The following NLRC5 variants were observed in gnomAD, a reference collection of about 807,000 sequenced individuals.
NLRC5 encodes NLR family CARD domain containing 5.
A neutral mutation model predicts 206.9 loss-of-function variants in NLRC5; 114 were observed. The observed-to-expected ratio is 0.55, with a 90% CI of 0.47 to 0.64. The LOEUF (loss-of-function observed/expected upper bound fraction) is 0.64. Among genes scored for constraint, NLRC5 ranks in the 30% least tolerant of loss-of-function variants. The pLI, the probability that NLRC5 is intolerant of heterozygous loss-of-function variation, is 0.00. For missense variants in NLRC5, 2,008 were observed against 2,305.5 expected, an observed-to-expected ratio of 0.87 and a Z score of 2.64; for synonymous variants, 952 against 962.8, an observed-to-expected ratio of 0.99 and a Z score of 0.21.
chr16:57,045,516 G>A (rs1359740724), intron 21 of NLRC5, 24 bp downstream of exon 21: 3 of 1,612,140 alleles, frequency 1.9e-6, no homozygotes, highest in African/African-American at 1.3e-5. Context: ...GCTCGGGGTG[G>A]GGGAGTCCCC....
intron 15 of NLRC5, 148 bp from the exon 16 acceptor site, chr16:57,039,633 C>T (rs1243371218): frequency 2.9e-6 from 2 of 699,658 alleles, no homozygotes; most frequent in Non-Finnish European, 5.0e-6. Context: ...GGGAGGATTG[C>T]TTGAGCCCAG....
rs1401577427 is a variant in NLRC5 at position 57,028,313 on chromosome 16, G to A, written c.2171G>A (p.Ser724Asn). ...TGCTTACTCTGTAGGTTAGCAGGAA[G>A]TAAAATCACTGCCCGAGGCATCAGC... The part of the protein sequence containing the change: ...GRLQMLGLAG[S>N]KITARGISHL... Residue 724 changes from serine (S) to asparagine (N), a missense_variant, in exon 8 of 49, where the codon AGT (serine) becomes AAT (asparagine). Ser to Asn is a conservative substitution (Grantham distance 46, BLOSUM62 1). Coordinates refer to ENST00000688547, the MANE Select transcript of NLRC5 (RefSeq NM_001384950.1). 3.7e-6 allele frequency: 6 copies of A among 1,614,054 alleles called. No homozygotes were observed. The highest frequency in any genetic ancestry group is 5.1e-6 in the Non-Finnish European group (6 of 1,179,926).
At position 57,026,279 on chromosome 16, in the gene NLRC5, C is replaced by T; in HGVS notation, c.1336C>T (p.Leu446Phe). Residue 446 changes from leucine to phenylalanine, a missense_variant, in exon 6 of 49, where the codon CTC (leucine) becomes TTC (phenylalanine). By Grantham distance (22) the Leu-to-Phe change is conservative. Transcript: ENST00000688547. ...TQLYMQMVLA[L>F]SPPGHLPTSS... is the part of the protein sequence containing the mutation. ...GCTCTATATGCAGATGGTGCTCGCC[C>T]TCAGCCCCCCTGGGCACTTGCCCAC... 6.2e-7 allele frequency: 1 copy of T among 1,614,060 alleles called. No individual in the cohort carries two copies. Among genetic ancestry groups the T allele is most frequent in the Non-Finnish European group, 8.5e-7 (1 of 1,180,046 alleles).
intron 46 of NLRC5, 83 bp downstream of exon 46, chr16:57,079,712 T>G: frequency 1.8e-6 from 2 of 1,136,042 alleles, no homozygotes; most frequent in Admixed American, 1.7e-5. Flanking sequence ...GCCTGCTGTG[T>G]GGCCTGGAGC....
chr16:57,064,770 A>G (rs1229044999), intron 32 of NLRC5, among the ~76,000 whole-genome samples: 2 of 152,152 alleles, frequency 1.3e-5, no homozygotes, highest in East Asian at 1.9e-4. Context: ...CTAAAAATAC[A>G]AAAATTAGCC....
chr16:57,020,013 T>C (rs1251082924), intron 2 of NLRC5, among the ~76,000 whole-genome samples: 3 of 151,776 alleles, frequency 2.0e-5, no homozygotes, highest in African/African-American at 7.3e-5. Context: ...AGGGAGGGGG[T>C]GCAGAAGAAA....
At position 57,067,950 on chromosome 16, in the gene NLRC5, C is replaced by G; in HGVS notation, c.4499+122C>G. On this transcript the variant is annotated intron_variant, in intron 36 of 48. Transcript: ENST00000688547. ...CTGTGTCTTACTCTGTGGACACAAA[C>G]CACAGGTGGCCCTGGAGATGATTTT... is the stretch of plus-strand genomic sequence containing the variant. 3 of 749,214 alleles carry G rather than the reference C, an allele frequency of 4.0e-6. No homozygotes were observed. The South Asian group carries it at 4.8e-5, about 12-fold the overall frequency. The allele number at this position is 749,214 out of a possible 1,614,324, so 46.4% of individuals were successfully genotyped here. A position where few individuals can be genotyped will look rare whatever the true frequency, so the allele number is the denominator to read the frequency against.
Position 57,079,604 on chromosome 16 carries a change from A to C in NLRC5, c.5296A>C (p.Ser1766Arg), listed in dbSNP as rs2068875536. The C allele has an allele frequency of 1.2e-6, 2 of 1,613,776 alleles. No homozygotes were observed. The highest frequency in any genetic ancestry group is 2.2e-5 in the South Asian group (2 of 91,062). The change falls in exon 46 of 49, where the codon AGC becomes CGC. Residue 1766 changes from serine (S) to arginine (R), a missense_variant. Transcript: ENST00000688547. ...TAKLLTSSFTSCPALEVILLS... is the reference protein window; with the variant it reads ...TAKLLTSSFTRCPALEVILLS... ...CAAGCTCCTCACCTCCAGCTTCACG[A>C]GCTGCCCTGCCCTGGAAGTAATCTT... is the stretch of plus-strand genomic sequence containing the variant.
At chr16:57,047,869 AC>A in intron 23 of NLRC5, 1 of 558,660 alleles carries the variant, frequency 1.8e-6, no homozygotes, top group Non-Finnish European at 3.2e-6. Context: ...CTTCACCTGC[AC>A]CATCCACTCA....
At chr16:57,076,423 A>G (rs2068407283) in intron 39 of NLRC5, among the ~76,000 whole-genome samples, 1 of 152,214 alleles carries the variant, frequency 6.6e-6, no homozygotes, top group African/African-American at 2.4e-5. Flanking sequence ...CTGAGAACTG[A>G]TCTGCGTGAA....
rs182933611 is a variant in NLRC5, at chr16:57,055,283, G to A, written c.3660-150G>A. 9.5e-4 allele frequency: 831 copies of A among 870,542 alleles called. 2 individuals are homozygous for A. In the African/African-American group the frequency reaches 0.012, roughly 13 times the overall value. The allele number at this position is 870,542 out of a possible 1,614,324, so 53.9% of individuals were successfully genotyped here. ...CGGGTGGGATCTACTGTGGGGGTGGGAGCAGTGGATTCTGGACACTTCCAG... is the reference window on the plus strand; with the variant it reads ...CGGGTGGGATCTACTGTGGGGGTGGAAGCAGTGGATTCTGGACACTTCCAG... On this transcript the variant is annotated intron_variant, in intron 26 of 48. Transcript: ENST00000688547.
In NLRC5 at chr16:57,022,262, C is replaced by T. The variant is rs779172988; in HGVS notation, c.302C>T (p.Thr101Ile). ...ACTCTCCCCTCTCTTGCAGGGTTCA[C>T]CAGCCAGCTGGGAGCTGAGGGGAAA... ...LSTFGYDDGF[T>I]SQLGAEGKSQ... The change falls in exon 4 of 49, where the codon ACC becomes ATC. Residue 101 changes from threonine (T) to isoleucine (I), a missense_variant. Physicochemically the swap from Thr to Ile is moderately conservative, Grantham distance 89. Coordinates refer to ENST00000688547, the MANE Select transcript of NLRC5 (RefSeq NM_001384950.1). 30 of 1,611,734 alleles carry T rather than the reference C, an allele frequency of 1.9e-5. No individual in the cohort carries two copies. Among genetic ancestry groups the T allele is most frequent in the Non-Finnish European group, 2.4e-5 (28 of 1,178,162 alleles).
intron 1 of NLRC5, among the ~76,000 whole-genome samples, chr16:57,008,014 GT>G (rs1309974752): frequency 2.0e-5 from 3 of 152,034 alleles, no homozygotes; most frequent in Non-Finnish European, 2.9e-5. Flanking sequence ...TCATCCAGTT[GT>G]TTTTTTCTTT....
chr16:57,054,968 G>T, intron 25 of NLRC5, 64 bp from the exon 26 acceptor site: 1 of 1,600,358 alleles, frequency 6.2e-7, no homozygotes, highest in East Asian at 2.2e-5. Context: ...GAGGGGTGCT[G>T]GCCCCGTGGG....
At chr16:57,027,588 G>C (rs1464323028) in intron 6 of NLRC5, among the ~76,000 whole-genome samples, 1 of 152,222 alleles carries the variant, frequency 6.6e-6, no homozygotes, top group Non-Finnish European at 1.5e-5. Flanking sequence ...AGGTGGTCCA[G>C]GTCAGTGGAA....
At chr16:57,028,449 C>G (rs2061470811) in intron 8 of NLRC5, 64 bp downstream of exon 8, 1 of 1,265,272 alleles carries the variant, frequency 7.9e-7, no homozygotes, top group Non-Finnish European at 1.2e-6. Context: ...TCCCAGAGTC[C>G]CCCTGGGGCC....
At chr16:57,048,856 A>T (rs2064390891) in intron 23 of NLRC5, among the ~76,000 whole-genome samples, 1 of 152,062 alleles carries the variant, frequency 6.6e-6, no homozygotes, top group Non-Finnish European at 1.5e-5. Flanking sequence ...ATTAATGGCA[A>T]TTCCTTAAAG....
intron 37 of NLRC5, among the ~76,000 whole-genome samples, chr16:57,070,166 T>C (rs1465046246): frequency 6.6e-6 from 1 of 152,102 alleles, no homozygotes; most frequent in East Asian, 1.9e-4. Context: ...GATTGCCTTA[T>C]CTATGAAAAT....
rs2063071305 is a variant in NLRC5 at position 57,039,906 on chromosome 16, C to T, written c.2870+57C>T. The T allele has an allele frequency of 5.6e-6, 8 of 1,437,450 alleles. No homozygotes were observed. In the East Asian group the frequency reaches 1.1e-4, roughly 20 times the overall value. 89.0% of individuals were successfully genotyped at this position (1,437,450 alleles called of 1,614,324 possible). ...CAGTCAGGGACATTCCCCTCTCTAC[C>T]CTCCACAGCTGGGCAGTGCCAGTCA... On this transcript the variant is annotated intron_variant, in intron 16 of 48. Transcript: ENST00000688547.
Sources: gnomAD v4.1 joint callset for allele counts (sites outside exome capture counted in the v4.1 genomes callset) on GRCh38, gnomAD v4.1.1 for gene constraint, MANE v1.5 for transcripts, NCBI Gene and HGNC (gene_info 2026-07-23, HGNC 2026-07-21) for gene names.